Variants in IFT81 observed in about 807,000 individuals in gnomAD.
IFT81 encodes intraflagellar transport 81.
IFT81 carries 72 observed loss-of-function variants against 102.6 expected under a neutral mutation model. That is an observed-to-expected ratio of 0.70 (90% CI 0.58 to 0.85). The LOEUF (loss-of-function observed/expected upper bound fraction) is 0.85, where lower values mean the gene tolerates loss of function less well. Among genes scored for constraint, IFT81 ranks in the 40% least tolerant of loss-of-function variants. The pLI is 0.00. For synonymous variants in IFT81, 237 were observed against 242.7 expected, an observed-to-expected ratio of 0.98 and a Z score of 0.22; for missense variants, 723 against 787.3, an observed-to-expected ratio of 0.92 and a Z score of 0.98.
At chr12:110,148,156 T>G (rs1234478012) in intron 10 of IFT81, among the ~76,000 whole-genome samples, 1 of 152,210 alleles carries the variant, frequency 6.6e-6, no homozygotes, top group Non-Finnish European at 1.5e-5. Flanking sequence ...GCAATATATG[T>G]GTTGACAAAA....
intron 10 of IFT81, among the ~76,000 whole-genome samples, chr12:110,149,688 G>A (rs1895412802): frequency 6.6e-6 from 1 of 152,132 alleles, no homozygotes; most frequent in African/African-American, 2.4e-5. Context: ...TGACCACCCT[G>A]ACTCTTCTCC....
At chr12:110,161,031 TG>T (rs1274039682) in intron 10 of IFT81, among the ~76,000 whole-genome samples, 1 of 152,100 alleles carries the variant, frequency 6.6e-6, no homozygotes, top group Non-Finnish European at 1.5e-5. Flanking sequence ...GATCCTGGTT[TG>T]GGGATGAAGT....
At chr12:110,208,119 A>G (rs771858445) in intron 17 of IFT81, among the ~76,000 whole-genome samples, 6 of 152,144 alleles carry the variant, frequency 3.9e-5, no homozygotes, top group Admixed American at 6.6e-5. Flanking sequence ...TTGCTGATAC[A>G]TCTGTATATA....
intron 11 of IFT81, among the ~76,000 whole-genome samples, chr12:110,174,962 C>A (rs1896976627): frequency 1.3e-5 from 2 of 152,116 alleles, no homozygotes; most frequent in South Asian, 4.1e-4. Flanking sequence ...CTCTCAGCAC[C>A]TGCTAGCATA....
intron 7 of IFT81, among the ~76,000 whole-genome samples, chr12:110,136,155 A>G (rs1296835787): frequency 6.6e-6 from 1 of 152,214 alleles, no homozygotes; most frequent in East Asian, 1.9e-4. Flanking sequence ...AGTCATGAAA[A>G]GGCTCAAAAT....
At chr12:110,129,769 C>G (rs1894055163) in intron 4 of IFT81, among the ~76,000 whole-genome samples, 1 of 152,052 alleles carries the variant, frequency 6.6e-6, no homozygotes, top group Non-Finnish European at 1.5e-5. Context: ...CCTGAGATCC[C>G]TAAGCACATT....
intron 8 of IFT81, among the ~76,000 whole-genome samples, chr12:110,137,531 C>G (rs1051123088): frequency 6.6e-6 from 1 of 151,898 alleles, no homozygotes; most frequent in Non-Finnish European, 1.5e-5. Context: ...GTCAGGAGTT[C>G]GAGACCAACC....
chr12:110,159,228 G>T (rs1364524555), intron 10 of IFT81, among the ~76,000 whole-genome samples: 1 of 152,076 alleles, frequency 6.6e-6, no homozygotes, highest in Non-Finnish European at 1.5e-5. Context: ...CAGCACTTTG[G>T]GAGACCAAGA....
chr12:110,210,911 G>A (rs1869323351), intron 18 of IFT81, among the ~76,000 whole-genome samples: 1 of 151,132 alleles, frequency 6.6e-6, no homozygotes, highest in Non-Finnish European at 1.5e-5. Context: ...CTGGAGTGCA[G>A]TGGCACGATC....
At chr12:110,144,968 C>T (rs917781411) in intron 9 of IFT81, among the ~76,000 whole-genome samples, 56 of 146,432 alleles carry the variant, frequency 3.8e-4, no homozygotes, top group Non-Finnish European at 6.7e-4. Context: ...TGGGTTCAAG[C>T]GATTCTTCTA....
rs148861898 is a variant in IFT81 at position 110,137,787 on chromosome 12, T to G, written c.781+927T>G. Among the ~76,000 whole-genome samples the G allele has an allele frequency of 6.5e-3, 984 of 152,228 alleles. 17 individuals carry two copies. The highest frequency in any genetic ancestry group is 0.022 in the African/African-American group (908 of 41,550). On this transcript the variant is annotated intron_variant, in intron 8 of 18. Transcript: ENST00000242591. ...AATAAAGGACTTAGCATGGACGTTG[T>G]GAAAATGATGGTTGGAAAAATTATG...
chr12:110,214,959 A>G (rs1869892847), intron 18 of IFT81, among the ~76,000 whole-genome samples: 1 of 150,004 alleles, frequency 6.7e-6, no homozygotes, highest in Non-Finnish European at 1.5e-5. Context: ...TGTAACATAA[A>G]CTTAAATAGA....
chr12:110,174,436 C>T (rs1309487579), intron 11 of IFT81, among the ~76,000 whole-genome samples: 1 of 115,210 alleles, frequency 8.7e-6, no homozygotes, highest in Non-Finnish European at 1.7e-5. Flanking sequence ...GCCTGGGAGA[C>T]AAGAGCAAGA....
chr12:110,130,664 A>G (rs1465176768), intron 4 of IFT81, among the ~76,000 whole-genome samples: 1 of 151,810 alleles, frequency 6.6e-6, no homozygotes, highest in African/African-American at 2.4e-5. Flanking sequence ...ACGGTGCACG[A>G]CCTGATTAAG....
chr12:110,193,041 T>C lies in IFT81; in HGVS notation c.1557+335T>C, dbSNP rs1161747662. Among the ~76,000 whole-genome samples the C allele has an allele frequency of 3.3e-5, 5 of 152,062 alleles. No individual in the cohort carries two copies. The East Asian group carries it at 9.6e-4, about 29-fold the overall frequency. ...AGCTGAGCTTGGTGGCATGCACCTG[T>C]AGCCCCAGATTCTCGGGATGCTGAG... On this transcript the variant is annotated intron_variant, in intron 14 of 18. Transcript: ENST00000242591.
In IFT81 at chr12:110,126,870, G is replaced by A. The variant is rs570799157; in HGVS notation, c.-21-490G>A. On this transcript the variant is annotated intron_variant, in intron 1 of 18. Transcript: ENST00000242591. The stretch of plus-strand genomic sequence containing the variant: ...TCTACTCAGATGCAGTTGGTTGTGG[G>A]CATGCACAAATGTGGGCCCACGGTT... Among the ~76,000 whole-genome samples the A allele has an allele frequency of 3.7e-4, 57 of 152,326 alleles. 1 individual carries two copies. Among genetic ancestry groups the A allele is most frequent in the African/African-American group, 1.3e-3 (52 of 41,572 alleles).
At chr12:110,128,919 G>A (rs200864643) in intron 3 of IFT81, 31 bp from the exon 4 acceptor site, 214 of 1,568,206 alleles carry the variant, frequency 1.4e-4, no homozygotes, top group Non-Finnish European at 1.7e-4. Context: ...TTAAGTGCGT[G>A]TGTGTTTGTG....
chr12:110,166,051 C>T (rs1361801393), intron 11 of IFT81, among the ~76,000 whole-genome samples: 3 of 152,150 alleles, frequency 2.0e-5, no homozygotes, highest in African/African-American at 4.8e-5. Context: ...TGACCTTGGA[C>T]GAGTTCCTTA....
rs1194250725 is a variant in IFT81, at chr12:110,197,603, A to G, written c.1557+4897A>G. On this transcript the variant is annotated intron_variant, in intron 14 of 18. Coordinates refer to ENST00000242591, the MANE Select transcript of IFT81 (RefSeq NM_014055.4). ...ATATATACCTCACTTAACAAAGTCTAAAGTTGTTAACATCTCCACAATACA... is the reference window on the plus strand; with the variant it reads ...ATATATACCTCACTTAACAAAGTCTGAAGTTGTTAACATCTCCACAATACA... 2.1e-5 allele frequency among the ~76,000 whole-genome samples: 3 copies of G among 146,152 alleles called. No individual in the cohort carries two copies. In the East Asian group the frequency reaches 5.9e-4, roughly 29 times the overall value.
Sources: gnomAD v4.1 joint callset for allele counts (sites outside exome capture counted in the v4.1 genomes callset) on GRCh38, gnomAD v4.1.1 for gene constraint, MANE v1.5 for transcripts, NCBI Gene and HGNC (gene_info 2026-07-23, HGNC 2026-07-21) for gene names.